Variants in HEATR5B observed in about 807,000 individuals in gnomAD.
HEATR5B encodes HEAT repeat-containing protein 5B.
In HEATR5B, 156 loss-of-function variants were observed where a neutral mutation model predicts 224.1. The ratio of observed to expected loss-of-function variants is 0.70; its 90% CI spans 0.61 to 0.80. The LOEUF is 0.80. HEATR5B is among the 30% of genes least tolerant of loss of function. The pLI, the probability that HEATR5B is intolerant of heterozygous loss-of-function variation, is 0.00. For synonymous variants in HEATR5B, 1,027 were observed against 893.0 expected (o/e 1.15, Z -2.68); for missense variants, 2,323 against 2,535.5 (o/e 0.92, Z 1.80).
chr2:37,028,650 ATTATT>A, intron 23 of HEATR5B, 26 bp downstream of exon 23: 1 of 1,596,606 alleles, frequency 6.3e-7, no homozygotes, highest in South Asian at 1.1e-5. Flanking sequence ...AACAATTTCC[ATTATT>A]TTAAGAACGC....
At chr2:37,015,915 C>T (rs1248227970) in intron 26 of HEATR5B, among the ~76,000 whole-genome samples, 2 of 151,418 alleles carry the variant, frequency 1.3e-5, no homozygotes, top group Admixed American at 1.3e-4. Flanking sequence ...AGCCTTAAAG[C>T]CAGACCAGAT....
At chr2:37,010,402 AT>A (rs1318617741) in intron 27 of HEATR5B, among the ~76,000 whole-genome samples, 1 of 152,310 alleles carries the variant, frequency 6.6e-6, no homozygotes, top group East Asian at 1.9e-4. Flanking sequence ...CAGAGAAAAT[AT>A]ACAGCAATTG....
chr2:37,012,063 A>G (rs1185775731), intron 27 of HEATR5B, among the ~76,000 whole-genome samples: 1 of 152,206 alleles, frequency 6.6e-6, no homozygotes, highest in Non-Finnish European at 1.5e-5. Context: ...TATAGATATT[A>G]CACAAAAAAG....
intron 11 of HEATR5B, 55 bp from the exon 12 acceptor site, chr2:37,060,788 A>G: frequency 1.4e-6 from 2 of 1,472,146 alleles, no homozygotes; most frequent in Non-Finnish European, 1.8e-6. Context: ...CCTTACAAAC[A>G]AGTGTCAAGC....
Position 37,084,359 on chromosome 2 carries a change from G to A in HEATR5B, c.-113C>T. 2.0e-6 allele frequency: 1 copy of A among 506,316 alleles called. No homozygotes were observed. The highest frequency in any genetic ancestry group is 3.1e-6 in the Non-Finnish European group (1 of 325,222). The allele number at this position is 506,316 out of a possible 1,614,324, so 31.4% of individuals were successfully genotyped here. A position where few individuals can be genotyped will look rare whatever the true frequency, so the allele number is the denominator to read the frequency against. ...TGCCCCACCTCCCGCACTCCTACCT[G>A]CAGGAAACAAGGGAAGAGCGCTTGC... is the stretch of plus-strand genomic sequence containing the variant. On this transcript the variant is annotated 5_prime_UTR_variant, in exon 1 of 36. Transcript: ENST00000233099.
intron 13 of HEATR5B, 121 bp downstream of exon 13, chr2:37,058,767 T>C (rs1049679773): frequency 2.8e-6 from 2 of 713,072 alleles, no homozygotes; most frequent in Admixed American, 2.9e-5. Context: ...TTTAAAGTTA[T>C]ATTACAAAAA....
At chr2:37,063,399 C>T (rs553671313) in intron 10 of HEATR5B, among the ~76,000 whole-genome samples, 5 of 151,972 alleles carry the variant, frequency 3.3e-5, no homozygotes, top group Admixed American at 6.6e-5. Context: ...GAATGAACGG[C>T]GGAATGAAGT....
chr2:36,995,658 C>T (rs13416820), intron 33 of HEATR5B, among the ~76,000 whole-genome samples: 1 of 152,016 alleles, frequency 6.6e-6, no homozygotes, highest in African/African-American at 2.4e-5. Flanking sequence ...AATTAAATTA[C>T]TATGTTTTGG....
chr2:37,082,884 G>A (rs891567977), intron 2 of HEATR5B, among the ~76,000 whole-genome samples: 1 of 151,680 alleles, frequency 6.6e-6, no homozygotes, highest in South Asian at 2.1e-4. Flanking sequence ...AAACGAGCTG[G>A]TCTCGGCAAA....
chr2:37,041,670 T>C (rs1423621321), intron 18 of HEATR5B, among the ~76,000 whole-genome samples: 1 of 152,102 alleles, frequency 6.6e-6, no homozygotes, highest in Non-Finnish European at 1.5e-5. Context: ...TGCTTGAGCC[T>C]GACAGGTGAG....
Position 37,008,790 on chromosome 2 carries a change from A to G in HEATR5B, c.4343T>C (p.Ile1448Thr). Residue 1448 changes from isoleucine (I) to threonine (T), a missense_variant, in exon 28 of 36, where the codon ATT becomes ACT. Ile to Thr is a moderately conservative substitution (Grantham distance 89). Transcript: ENST00000233099. ...KEAESKPKRA[I>T]KNTDDDDDDC... ...GTCATCATCATCGTCAGTATTTTTA[A>G]TTGCTCTTTTTGGTTTTGACTCTGC... The G allele has an allele frequency of 1.9e-6, 3 of 1,614,024 alleles. No homozygotes were observed. The highest frequency in any genetic ancestry group is 2.5e-6 in the Non-Finnish European group (3 of 1,179,976).
rs1290200449 is a variant in HEATR5B, at chr2:37,028,703, T to C, written c.3579A>G (p.Lys1193=). 1.5e-5 allele frequency: 24 copies of C among 1,614,046 alleles called. No homozygotes were observed. Among genetic ancestry groups the C allele is most frequent in the South Asian group, 4.4e-5 (4 of 91,076 alleles). ...EKLSHWLMLC[K]DVLAASSDMS... is the part of the protein sequence containing the mutation. ...TACCACTAGAAGCTGCCAGGACATCTTTACAAAGCATTAGCCAATGAGAAA... is the reference window on the plus strand; with the variant it reads ...TACCACTAGAAGCTGCCAGGACATCCTTACAAAGCATTAGCCAATGAGAAA... The change falls in exon 23 of 36, where the codon AAA becomes AAG. Residue 1193 remains lysine (K), a synonymous_variant. Coordinates refer to ENST00000233099, the MANE Select transcript of HEATR5B (RefSeq NM_019024.3).
chr2:37,019,893 A>G lies in HEATR5B; in HGVS notation c.4036-16T>C. 6.4e-7 allele frequency: 1 copy of G among 1,559,286 alleles called. No individual in the cohort carries two copies. The highest frequency in any genetic ancestry group is 1.1e-5 in the South Asian group (1 of 90,000). On this transcript the variant is annotated splice_polypyrimidine_tract_variant and intron_variant, in intron 25 of 35. Coordinates refer to ENST00000233099, the MANE Select transcript of HEATR5B (RefSeq NM_019024.3). ...CAGCTCCCACCTAGAAAAATAAATA[A>G]AGCATTTTATTTTTTACTTTTATTT...
At chr2:37,052,422 T>A (rs76833145) in intron 17 of HEATR5B, among the ~76,000 whole-genome samples, 13,195 of 152,252 alleles carry the variant, frequency 0.087, 660 homozygotes, top group South Asian at 0.19. Context: ...ACTAGGCACT[T>A]ATCACATACC....
At chr2:37,053,236 C>A (rs1321442364) in intron 17 of HEATR5B, among the ~76,000 whole-genome samples, 1 of 152,180 alleles carries the variant, frequency 6.6e-6, no homozygotes, top group Non-Finnish European at 1.5e-5. Flanking sequence ...CGTCAAACAT[C>A]TTTGAAAATT....
At chr2:37,060,076 T>G (rs987862732) in intron 12 of HEATR5B, among the ~76,000 whole-genome samples, 1 of 152,208 alleles carries the variant, frequency 6.6e-6, no homozygotes. Context: ...TGTAAGCTGT[T>G]AACTCCCAGA....
chr2:37,077,963 C>T (rs1292684548), intron 3 of HEATR5B, among the ~76,000 whole-genome samples: 15 of 152,150 alleles, frequency 9.9e-5, no homozygotes, highest in Non-Finnish European at 1.0e-4. Flanking sequence ...CAAGAAATGA[C>T]CCCAGTGTCA....
intron 23 of HEATR5B, 116 bp downstream of exon 23, chr2:37,028,565 T>C (rs1465986934): frequency 2.7e-6 from 2 of 738,868 alleles, no homozygotes; most frequent in Non-Finnish European, 4.1e-6. Flanking sequence ...TCAAAAGTTA[T>C]TACTTTTAAA....
Position 37,032,641 on chromosome 2 carries a change from T to C in HEATR5B, c.3349A>G (p.Ser1117Gly), listed in dbSNP as rs1669205174. The C allele has an allele frequency of 6.2e-7, 1 of 1,612,278 alleles. No individual in the cohort carries two copies. Among genetic ancestry groups the C allele is most frequent in the Admixed American group, 1.7e-5 (1 of 59,532 alleles). Residue 1117 changes from serine to glycine, a missense_variant, in exon 22 of 36, where the codon AGC (serine) becomes GGC (glycine). This residue lies in a region of HEATR5B where 339 missense variants were observed against 378.4 expected (regional missense o/e 0.90). Coordinates refer to ENST00000233099, the MANE Select transcript of HEATR5B (RefSeq NM_019024.3). ...TAATATAACTTACTGGCACTACTGC[T>C]CTCTTTGTCCCCTGTATTTTTTGCC... ...SLAKNTGDKESSSANVSPFAP... is the reference protein window; with the variant it reads ...SLAKNTGDKEGSSANVSPFAP...
Sources: gnomAD v4.1 joint callset for allele counts (sites outside exome capture counted in the v4.1 genomes callset) on GRCh38, gnomAD v4.1.1 for gene constraint, gnomAD v4.1.1 regional missense constraint, MANE v1.5 for transcripts, NCBI Gene and HGNC (gene_info 2026-07-23, HGNC 2026-07-21) for gene names.